MACF1: variants seen among roughly 807,000 people sequenced by gnomAD.
MACF1 encodes the protein microtubule-actin cross-linking factor 1.
Under a neutral mutation model 854.8 loss-of-function variants are expected in MACF1, and 193 were observed. The observed-to-expected ratio is 0.23, with a 90% CI of 0.20 to 0.25. MACF1 has a LOEUF of 0.25. Among genes scored for constraint, MACF1 ranks in the 10% least tolerant of loss-of-function variants. MACF1 has a pLI of 1.00. For missense variants in MACF1, 7,722 were observed against 8,929.1 expected (o/e 0.86, Z 5.45); for synonymous variants, 3,185 against 3,226.7 (o/e 0.99, Z 0.44).
intron 58 of MACF1, chr1:39,414,106 G>T: frequency 6.2e-7 from 1 of 1,606,468 alleles, no homozygotes; most frequent in Non-Finnish European, 8.5e-7. Flanking sequence ...CGAGGAGCCT[G>T]CCTCCCCAGC....
chr1:39,453,329 G>T (rs1301052080), intron 87 of MACF1, among the ~76,000 whole-genome samples: 1 of 152,016 alleles, frequency 6.6e-6, no homozygotes, highest in Non-Finnish European at 1.5e-5. Flanking sequence ...TAAAATCATG[G>T]TTTTTACAAC....
chr1:39,383,476 G>C (rs952076968), intron 56 of MACF1, among the ~76,000 whole-genome samples: 1 of 152,106 alleles, frequency 6.6e-6, no homozygotes, highest in African/African-American at 2.4e-5. Flanking sequence ...AATTTTAAAA[G>C]TATATATTTA....
intron 14 of MACF1, among the ~76,000 whole-genome samples, chr1:39,286,391 C>T (rs1645642976): frequency 6.6e-6 from 1 of 151,966 alleles, no homozygotes; most frequent in Non-Finnish European, 1.5e-5. Context: ...GGTGATCCAT[C>T]ACATTCTTTT....
chr1:39,286,836 C>T (rs1372339681), intron 14 of MACF1, among the ~76,000 whole-genome samples: 1 of 152,162 alleles, frequency 6.6e-6, no homozygotes, highest in African/African-American at 2.4e-5. Flanking sequence ...CTCCAGTTAA[C>T]ACTGTAATTT....
chr1:39,413,200 A>G (rs747686098), intron 58 of MACF1: 19 of 1,613,282 alleles, frequency 1.2e-5, no homozygotes, highest in African/African-American at 5.3e-5. Flanking sequence ...CACCCCAGCT[A>G]CCACAGTGCA....
intron 15 of MACF1, among the ~76,000 whole-genome samples, chr1:39,291,430 A>G (rs528251188): frequency 2.6e-5 from 4 of 152,206 alleles, no homozygotes; most frequent in Non-Finnish European, 5.9e-5. Flanking sequence ...TCTGCATAAT[A>G]TATTCCCCAT....
chr1:39,332,246 T>G lies in MACF1; in HGVS notation c.5658T>G (p.Ile1886Met). ...AHKILSNRQH[I>M]KALFLPATTE... ...AAATCCTTAGTAACCGACAGCATAT[T>G]AAGGCTCTGTTTCTACCAGCAACCA... Residue 1886 changes from isoleucine (I) to methionine (M), a missense_variant, in exon 37 of 101, where the codon ATT becomes ATG. Physicochemically the swap from Ile to Met is conservative, Grantham distance 10 (BLOSUM62 1). Around this residue, in one of 15 missense-constraint regions of MACF1, gnomAD observed 1,531 missense variants for 1,601.6 expected, o/e 0.96. Transcript: ENST00000564288. 6.2e-7 allele frequency: 1 copy of G among 1,613,990 alleles called. No individual in the cohort carries two copies. Among genetic ancestry groups the G allele is most frequent in the African/African-American group, 1.3e-5 (1 of 75,024 alleles).
rs761297695 is a variant in MACF1, at chr1:39,334,569, G to A, written c.7981G>A (p.Asp2661Asn). ...CTCAGACATTAAAGATGGGGTGAGC[G>A]ACAAAGTGCTTACATTGTCTCAAGC... ...PFSDIKDGVS[D>N]KVLTLSQAIQ... The change falls in exon 37 of 101, where the codon GAC becomes AAC. Residue 2661 changes from aspartate (D) to asparagine (N), a missense_variant. Asp to Asn is a conservative substitution (Grantham distance 23). Around this residue, in one of 15 missense-constraint regions of MACF1, gnomAD observed 1,531 missense variants for 1,601.6 expected, o/e 0.96. Transcript: ENST00000564288. 1.1e-5 allele frequency: 17 copies of A among 1,613,966 alleles called. No individual in the cohort carries two copies. Among genetic ancestry groups the A allele is most frequent in the African/African-American group, 8.0e-5 (6 of 74,922 alleles).
chr1:39,207,300 C>T (rs573735412), intron 1 of MACF1, among the ~76,000 whole-genome samples: 42 of 145,408 alleles, frequency 2.9e-4, no homozygotes, highest in African/African-American at 1.0e-3. Context: ...TTTTTGGAGA[C>T]GGAGTTTTGC....
intron 2 of MACF1, among the ~76,000 whole-genome samples, chr1:39,175,912 A>G (rs1644017488): frequency 7.1e-6 from 1 of 141,422 alleles, no homozygotes; most frequent in African/African-American, 2.6e-5. Flanking sequence ...CCTGGCTAAC[A>G]TGGTGAAACC....
chr1:39,165,997 A>G (rs919361474), intron 2 of MACF1, among the ~76,000 whole-genome samples: 2 of 151,784 alleles, frequency 1.3e-5, no homozygotes, highest in Non-Finnish European at 2.9e-5. Context: ...GGATACAAAG[A>G]TTATTGATAG....
intron 2 of MACF1, among the ~76,000 whole-genome samples, chr1:39,133,445 G>T (rs1046348888): frequency 2.6e-5 from 4 of 151,776 alleles, no homozygotes; most frequent in Admixed American, 6.6e-5. Context: ...GTTTAATTTT[G>T]TAACAGACTC....
chr1:39,225,491 C>G (rs1327210231), intron 1 of MACF1, among the ~76,000 whole-genome samples: 2 of 152,132 alleles, frequency 1.3e-5, no homozygotes, highest in African/African-American at 2.4e-5. Context: ...GCTGGGATTA[C>G]AGGCGTGAGC....
At chr1:39,455,849 C>T (rs998391604) in intron 89 of MACF1, among the ~76,000 whole-genome samples, 4 of 152,166 alleles carry the variant, frequency 2.6e-5, no homozygotes, top group African/African-American at 4.8e-5. Flanking sequence ...GAGGCAAATA[C>T]TATTTTTAAC....
chr1:39,393,194 A>AT (rs1354096240), intron 58 of MACF1, among the ~76,000 whole-genome samples: 3,701 of 78,314 alleles, frequency 0.047, 74 homozygotes, highest in Admixed American at 0.068. Context: ...AAAAAAAAAA[A>AT]AAATATATAT....
chr1:39,175,058 C>G (rs1347079691), intron 2 of MACF1, among the ~76,000 whole-genome samples: 1 of 152,132 alleles, frequency 6.6e-6, no homozygotes, highest in African/African-American at 2.4e-5. Context: ...ATTTTTGTGT[C>G]TTTCTTGCCC....
chr1:39,111,116 T>C (rs1239779925), intron 2 of MACF1, among the ~76,000 whole-genome samples: 2 of 152,200 alleles, frequency 1.3e-5, no homozygotes, highest in Non-Finnish European at 2.9e-5. Flanking sequence ...ATGGTTTTGA[T>C]TGGAGTTGAA....
intron 1 of MACF1, among the ~76,000 whole-genome samples, chr1:39,211,117 C>T (rs1220159368): frequency 6.6e-6 from 1 of 152,044 alleles, no homozygotes; most frequent in Admixed American, 6.6e-5. Flanking sequence ...CAGGTGTCTG[C>T]CACCACACCC....
chr1:39,407,476 A>T (rs1642757124), intron 58 of MACF1, among the ~76,000 whole-genome samples: 1 of 152,244 alleles, frequency 6.6e-6, no homozygotes, highest in Admixed American at 6.5e-5. Context: ...TAAAACTAGA[A>T]AGGGTGTCAA....
Sources: allele counts gnomAD v4.1 joint callset (sites outside exome capture counted in the v4.1 genomes callset), GRCh38; gene constraint gnomAD v4.1.1; regional missense constraint gnomAD v4.1.1; transcripts MANE v1.5; gene names NCBI Gene and HGNC (gene_info 2026-07-23, HGNC 2026-07-21).